Variants in UBR3 observed in about 807,000 individuals in gnomAD.
UBR3 encodes the protein ubiquitin protein ligase E3 component n-recognin 3.
A neutral mutation model predicts 243.2 loss-of-function variants in UBR3; 85 were observed. The ratio of observed to expected loss-of-function variants is 0.35; its 90% CI spans 0.29 to 0.42. UBR3 has a LOEUF of 0.42. Among genes scored for constraint, UBR3 ranks in the 10% least tolerant of loss-of-function variants. The pLI is 1.00. For synonymous variants in UBR3, 748 were observed against 799.8 expected, an observed-to-expected ratio of 0.94 and a Z score of 1.09; for missense variants, 1,686 against 2,300.8, an observed-to-expected ratio of 0.73 and a Z score of 5.47.
chr2:170,064,803 A>ATTTTTTTTTTTTTTTTTTTTTTTTT, intron 35 of UBR3, among the ~76,000 whole-genome samples: 1 of 87,878 alleles, frequency 1.1e-5, no homozygotes, highest in African/African-American at 4.3e-5. Context: ...TGCTTTTTCT[A>ATTTTTTTTTTTTTTTTTTTTTTTTT]TTTTTTTTTT....
chr2:169,947,550 G>T lies in UBR3; in HGVS notation c.2919G>T (p.Val973=). 6.7e-7 allele frequency: 1 copy of T among 1,490,968 alleles called. No individual in the cohort carries two copies. Among genetic ancestry groups the T allele is most frequent in the East Asian group, 2.6e-5 (1 of 39,048 alleles). 92.4% of individuals were successfully genotyped at this position (1,490,968 alleles called of 1,614,324 possible). Residue 973 remains valine, a synonymous_variant, in exon 22 of 39, where the codon GTG becomes GTT. Transcript: ENST00000272793. Reference sequence around the variant, plus strand: ...TTTTTTTTTTATTTTAGGCATCAGTGGGTGGACCAGAACGTTGTCATGACA... The same window carrying T: ...TTTTTTTTTTATTTTAGGCATCAGTTGGTGGACCAGAACGTTGTCATGACA... The part of the protein sequence containing the change: ...AEEESDEEAS[V]GGPERCHDSW...
At chr2:169,890,575 A>ATGTGTG (rs1465918567) in intron 5 of UBR3, among the ~76,000 whole-genome samples, 1 of 120,170 alleles carries the variant, frequency 8.3e-6, no homozygotes, top group Non-Finnish European at 1.7e-5. Flanking sequence ...GTGTATATAT[A>ATGTGTG]TATATGTATA....
At chr2:170,055,711 C>T (rs1205803351) in intron 33 of UBR3, 127 bp downstream of exon 33, 1 of 1,192,966 alleles carries the variant, frequency 8.4e-7, no homozygotes, top group East Asian at 2.7e-5. Context: ...TGAGCACCTA[C>T]AGGCTAAAAA....
intron 1 of UBR3, among the ~76,000 whole-genome samples, chr2:169,862,558 T>C (rs2083129198): frequency 1.3e-5 from 2 of 152,234 alleles, no homozygotes; most frequent in African/African-American, 2.4e-5. Flanking sequence ...AAATAAGTTT[T>C]CATCTCTGAT....
intron 36 of UBR3, among the ~76,000 whole-genome samples, chr2:170,074,008 T>G (rs1404041406): frequency 6.6e-6 from 1 of 152,206 alleles, no homozygotes; most frequent in Admixed American, 6.5e-5. Flanking sequence ...TTCTTGGGCC[T>G]ATGCTACCAG....
At chr2:169,939,456 A>C (rs564448299) in intron 19 of UBR3, among the ~76,000 whole-genome samples, 154 of 146,402 alleles carry the variant, frequency 1.1e-3, no homozygotes, top group Middle Eastern at 6.9e-3. Context: ...TTTAGTAGAG[A>C]CAGGCCTTCA....
intron 2 of UBR3, among the ~76,000 whole-genome samples, chr2:169,873,076 C>G (rs2083484201): frequency 6.6e-6 from 1 of 151,846 alleles, no homozygotes; most frequent in African/African-American, 2.4e-5. Context: ...ATGTTTTTTA[C>G]CTTTCTAATG....
intron 24 of UBR3, among the ~76,000 whole-genome samples, chr2:169,967,876 AATAT>A (rs1487398369): frequency 6.6e-6 from 1 of 151,490 alleles, no homozygotes; most frequent in Non-Finnish European, 1.5e-5. Flanking sequence ...TTCTTATATA[AATAT>A]ATATAATTAT....
chr2:169,907,886 C>T (rs1305577997), intron 10 of UBR3, among the ~76,000 whole-genome samples: 1 of 152,088 alleles, frequency 6.6e-6, no homozygotes, highest in East Asian at 1.9e-4. Context: ...ATTCTTCTGC[C>T]TCCACCTCCC....
At chr2:170,077,970 T>A (rs1574489162) in intron 36 of UBR3, 1 of 600,024 alleles carries the variant, frequency 1.7e-6, no homozygotes, top group Non-Finnish European at 3.1e-6. Context: ...CTGCTTTCTC[T>A]TTTCATTTCG....
chr2:169,909,227 C>G (rs2085152580), intron 10 of UBR3, among the ~76,000 whole-genome samples: 1 of 152,076 alleles, frequency 6.6e-6, no homozygotes, highest in South Asian at 2.1e-4. Context: ...ATTCGCAGAT[C>G]ATGTTAAGTA....
At chr2:170,045,777 G>C (rs1302765225) in intron 32 of UBR3, among the ~76,000 whole-genome samples, 2 of 151,722 alleles carry the variant, frequency 1.3e-5, no homozygotes, top group Non-Finnish European at 2.9e-5. Flanking sequence ...TCCCACCTGT[G>C]GTTATTTTGA....
chr2:169,967,407 G>GTTTTATTT (rs2087872963), intron 24 of UBR3, among the ~76,000 whole-genome samples: 2 of 152,058 alleles, frequency 1.3e-5, no homozygotes, highest in South Asian at 4.2e-4. Context: ...GTTGGGAAAA[G>GTTTTATTT]TTTTATTTTT....
intron 36 of UBR3, chr2:170,077,202 A>G (rs1029385430): frequency 2.9e-6 from 2 of 685,020 alleles, no homozygotes; most frequent in East Asian, 3.1e-5. Context: ...GTAGTCTTCA[A>G]TAAATATCTA....
intron 6 of UBR3, among the ~76,000 whole-genome samples, chr2:169,894,091 ATAATTACT>A (rs1339875282): frequency 2.6e-5 from 4 of 152,070 alleles, no homozygotes; most frequent in Admixed American, 1.3e-4. Flanking sequence ...AGTTTTGAAA[ATAATTACT>A]TAATTGCTAA....
intron 19 of UBR3, 70 bp downstream of exon 19, chr2:169,933,078 A>G (rs754100095): frequency 9.3e-7 from 1 of 1,071,708 alleles, no homozygotes. Context: ...CAGTGATAAC[A>G]CAGATATGAT....
chr2:169,890,579 A>ATG (rs1553504576), intron 5 of UBR3, among the ~76,000 whole-genome samples: 3 of 61,264 alleles, frequency 4.9e-5, no homozygotes, highest in East Asian at 4.8e-4. Flanking sequence ...ATATATATAT[A>ATG]TGTATATATA....
chr2:169,863,190 C>T (rs762312375), intron 1 of UBR3, among the ~76,000 whole-genome samples: 16 of 152,288 alleles, frequency 1.1e-4, no homozygotes, highest in Non-Finnish European at 2.1e-4. Context: ...CTCTACTTCT[C>T]CCACAGTCCA....
At chr2:169,890,581 G>GTGTATATATATGTATATATATATATGTA (rs1553504582) in intron 5 of UBR3, among the ~76,000 whole-genome samples, 5 of 96,494 alleles carry the variant, frequency 5.2e-5, no homozygotes, top group African/African-American at 2.5e-4. Context: ...ATATATATAT[G>GTGTATATATATGTATATATATATATGTA]TATATATATA....
Sources: allele counts gnomAD v4.1 joint callset (sites outside exome capture counted in the v4.1 genomes callset), GRCh38; gene constraint gnomAD v4.1.1; transcripts MANE v1.5; gene names NCBI Gene and HGNC (gene_info 2026-07-23, HGNC 2026-07-21).